CNTN4: variants seen among roughly 807,000 people sequenced by gnomAD.
CNTN4 encodes the protein contactin-4.
A neutral mutation model predicts 122.5 loss-of-function variants in CNTN4; 77 were observed. The observed-to-expected ratio is 0.63, with a 90% CI of 0.52 to 0.76. CNTN4 has a LOEUF of 0.76. Among genes scored for constraint, CNTN4 ranks in the 30% least tolerant of loss-of-function variants. The probability of loss-of-function intolerance (pLI) is 0.00; values close to 1 mark genes in which losing one functional copy is unlikely to be tolerated. For missense variants in CNTN4, 1,256 were observed against 1,259.1 expected (o/e 1.00, Z 0.04); for synonymous variants, 512 against 447.0 (o/e 1.15, Z -1.83).
chr3:2,966,887 T>G (rs1308353433), intron 13 of CNTN4, among the ~76,000 whole-genome samples: 1 of 152,216 alleles, frequency 6.6e-6, no homozygotes, highest in Non-Finnish European at 1.5e-5. Flanking sequence ...GTCTGAGCTT[T>G]GACTATATTG....
At chr3:2,440,334 T>A (rs1260858988) in intron 3 of CNTN4, among the ~76,000 whole-genome samples, 1 of 152,220 alleles carries the variant, frequency 6.6e-6, no homozygotes, top group Admixed American at 6.5e-5. Flanking sequence ...TGACCTCAGA[T>A]CCATTAACTG....
intron 6 of CNTN4, among the ~76,000 whole-genome samples, chr3:2,751,454 T>G (rs2090087042): frequency 6.6e-6 from 1 of 152,204 alleles, no homozygotes. Context: ...AAAGCTCCTT[T>G]GAGCTTAAGC....
intron 17 of CNTN4, among the ~76,000 whole-genome samples, chr3:3,036,566 C>T (rs1699623250): frequency 1.3e-5 from 2 of 151,584 alleles, no homozygotes; most frequent in South Asian, 4.2e-4. Flanking sequence ...AGTTTGAGAG[C>T]AGTCTGGGAA....
intron 2 of CNTN4, among the ~76,000 whole-genome samples, chr3:2,300,997 T>C (rs2042495744): frequency 6.6e-6 from 1 of 152,166 alleles, no homozygotes; most frequent in Non-Finnish European, 1.5e-5. Flanking sequence ...TAGTAAATGA[T>C]CCTTTTGAAA....
intron 6 of CNTN4, among the ~76,000 whole-genome samples, chr3:2,764,435 A>C (rs901476357): frequency 6.6e-6 from 1 of 152,220 alleles, no homozygotes; most frequent in Non-Finnish European, 1.5e-5. Context: ...GGCATAGAGC[A>C]TGGTATTTTC....
intron 4 of CNTN4, among the ~76,000 whole-genome samples, chr3:2,688,672 G>A (rs890442331): frequency 6.6e-6 from 1 of 152,176 alleles, no homozygotes; most frequent in African/African-American, 2.4e-5. Context: ...CTTCAGCAAG[G>A]TTAGAGGCGT....
intron 13 of CNTN4, among the ~76,000 whole-genome samples, chr3:2,984,889 C>T (rs1694404954): frequency 6.6e-6 from 1 of 152,196 alleles, no homozygotes; most frequent in African/African-American, 2.4e-5. Flanking sequence ...TTCACAATTT[C>T]TAGCAAATTA....
chr3:2,237,821 A>T (rs2039742994), intron 2 of CNTN4, among the ~76,000 whole-genome samples: 1 of 152,190 alleles, frequency 6.6e-6, no homozygotes, highest in Admixed American at 6.5e-5. Flanking sequence ...TTTGACTTTC[A>T]TATGAAGATT....
At chr3:2,590,440 A>G (rs1443142692) in intron 4 of CNTN4, among the ~76,000 whole-genome samples, 1 of 151,956 alleles carries the variant, frequency 6.6e-6, no homozygotes, top group East Asian at 2.0e-4. Context: ...TATTTTGTGT[A>G]GAGACGGGGT....
chr3:2,822,124 A>G (rs1442970760), intron 7 of CNTN4, among the ~76,000 whole-genome samples: 1 of 152,240 alleles, frequency 6.6e-6, no homozygotes, highest in African/African-American at 2.4e-5. Context: ...GAAGACTGAC[A>G]GAAAATCTAG....
intron 2 of CNTN4, among the ~76,000 whole-genome samples, chr3:2,254,013 A>G (rs545405634): frequency 6.6e-6 from 1 of 152,118 alleles, no homozygotes; most frequent in South Asian, 2.1e-4. Flanking sequence ...TACATTGGGT[A>G]TTTCTCCTAA....
intron 11 of CNTN4, 59 bp from the exon 12 acceptor site, chr3:2,902,817 T>G: frequency 1.3e-6 from 2 of 1,567,294 alleles, no homozygotes; most frequent in Middle Eastern, 3.3e-4. Context: ...ATGGTAAAAT[T>G]GCCTTAAAGT....
chr3:2,418,730 T>G (rs2047507939), intron 3 of CNTN4, among the ~76,000 whole-genome samples: 1 of 152,184 alleles, frequency 6.6e-6, no homozygotes, highest in Non-Finnish European at 1.5e-5. Flanking sequence ...GGTGTTATAT[T>G]AAGAAAAAAT....
intron 4 of CNTN4, among the ~76,000 whole-genome samples, chr3:2,597,264 A>T (rs1224362272): frequency 6.6e-6 from 1 of 152,196 alleles, no homozygotes; most frequent in Non-Finnish European, 1.5e-5. Flanking sequence ...CATTGAGGCC[A>T]GTACTTCGTT....
At chr3:2,809,674 C>T (rs1418095255) in intron 6 of CNTN4, among the ~76,000 whole-genome samples, 2 of 152,044 alleles carry the variant, frequency 1.3e-5, no homozygotes, top group South Asian at 2.1e-4. Flanking sequence ...GATGAGCTCC[C>T]GTAGAGAAAA....
chr3:2,543,907 A>G (rs568309956), intron 3 of CNTN4, among the ~76,000 whole-genome samples: 1 of 152,248 alleles, frequency 6.6e-6, no homozygotes, highest in South Asian at 2.1e-4. Context: ...AAATCATTCA[A>G]TCAAGAGCTA....
At chr3:2,939,829 C>T (rs1372937991) in intron 13 of CNTN4, among the ~76,000 whole-genome samples, 3 of 152,206 alleles carry the variant, frequency 2.0e-5, no homozygotes, top group Non-Finnish European at 4.4e-5. Flanking sequence ...GTGCTGGAGC[C>T]CAGTAGCAAG....
chr3:2,675,046 C>G (rs1230661920), intron 4 of CNTN4, among the ~76,000 whole-genome samples: 3 of 151,736 alleles, frequency 2.0e-5, no homozygotes, highest in Non-Finnish European at 4.4e-5. Context: ...CAAAAACAGA[C>G]AAATGGAATT....
chr3:2,413,263 A>G (rs2047293378), intron 3 of CNTN4, among the ~76,000 whole-genome samples: 1 of 152,204 alleles, frequency 6.6e-6, no homozygotes, highest in Non-Finnish European at 1.5e-5. Flanking sequence ...AAATAATGAG[A>G]TACTCCAGTT....
Sources: gnomAD v4.1 joint callset for allele counts (sites outside exome capture counted in the v4.1 genomes callset) on GRCh38, gnomAD v4.1.1 for gene constraint, MANE v1.5 for transcripts, NCBI Gene and HGNC (gene_info 2026-07-23, HGNC 2026-07-21) for gene names.